The following KIRREL1 variants were observed in gnomAD, a reference collection of about 807,000 sequenced individuals.
KIRREL1 encodes kirre like nephrin family adhesion molecule 1.
Under a neutral mutation model 83.3 loss-of-function variants are expected in KIRREL1, and 25 were observed. The ratio of observed to expected loss-of-function variants is 0.30; its 90% confidence interval spans 0.22 to 0.42. The LOEUF (loss-of-function observed/expected upper bound fraction) is 0.42. Ranked by LOEUF, KIRREL1 falls within the 10% of genes least tolerant of loss-of-function variation. The probability of loss-of-function intolerance (pLI) is 1.00; values close to 1 mark genes in which losing one functional copy is unlikely to be tolerated. For missense variants in KIRREL1, 812 were observed against 1,032.3 expected (o/e 0.79, Z 2.92); for synonymous variants, 388 against 410.4 (o/e 0.95, Z 0.66).
chr1:158,022,180 C>T (rs1407204984), intron 1 of KIRREL1, among the ~76,000 whole-genome samples: 2 of 151,952 alleles, frequency 1.3e-5, no homozygotes, highest in South Asian at 2.1e-4. Context: ...GGCACATAAA[C>T]CTGGGGAAGG....
intron 1 of KIRREL1, among the ~76,000 whole-genome samples, chr1:158,001,205 TC>T (rs1389168146): frequency 1.3e-5 from 2 of 152,188 alleles, no homozygotes. Context: ...GGACTTTTGT[TC>T]CTTCATTCAG....
intron 1 of KIRREL1, among the ~76,000 whole-genome samples, chr1:158,037,450 G>C (rs1002170064): frequency 7.3e-6 from 1 of 136,784 alleles, no homozygotes; most frequent in African/African-American, 2.8e-5. Flanking sequence ...CTGAGATTGC[G>C]CCACTGCACT....
chr1:158,027,867 T>C (rs1372552123), intron 1 of KIRREL1, among the ~76,000 whole-genome samples: 1 of 152,140 alleles, frequency 6.6e-6, no homozygotes, highest in Non-Finnish European at 1.5e-5. Flanking sequence ...TACTTCTTAT[T>C]AGGGTGCTTG....
intron 1 of KIRREL1, among the ~76,000 whole-genome samples, chr1:158,022,273 C>T (rs1660021290): frequency 6.6e-6 from 1 of 151,926 alleles, no homozygotes; most frequent in Non-Finnish European, 1.5e-5. Context: ...TTATAAGTAT[C>T]CCAAAAAAGA....
intron 1 of KIRREL1, among the ~76,000 whole-genome samples, chr1:158,022,828 A>G (rs1019552230): frequency 6.6e-6 from 1 of 152,202 alleles, no homozygotes; most frequent in Non-Finnish European, 1.5e-5. Context: ...CTAAAGTGCC[A>G]GCGCCCTAGC....
At chr1:158,019,678 G>T (rs370874368) in intron 1 of KIRREL1, among the ~76,000 whole-genome samples, 3 of 152,094 alleles carry the variant, frequency 2.0e-5, no homozygotes, top group Non-Finnish European at 4.4e-5. Flanking sequence ...AGGGAGCACG[G>T]GGCAGGAAAT....
At chr1:158,036,301 A>G (rs1226528729) in intron 1 of KIRREL1, among the ~76,000 whole-genome samples, 1 of 152,172 alleles carries the variant, frequency 6.6e-6, no homozygotes, top group African/African-American at 2.4e-5. Context: ...AAATACTGCA[A>G]CGAACTTGTA....
intron 1 of KIRREL1, among the ~76,000 whole-genome samples, chr1:158,018,277 G>C (rs567673994): frequency 6.6e-6 from 1 of 152,128 alleles, no homozygotes; most frequent in Admixed American, 6.5e-5. Flanking sequence ...CTGGTGTGCC[G>C]CACCACACCA....
chr1:158,089,021 GGC>G (rs1662110198), intron 8 of KIRREL1, among the ~76,000 whole-genome samples: 1 of 152,082 alleles, frequency 6.6e-6, no homozygotes, highest in African/African-American at 2.4e-5. Context: ...GAGGGCCTGG[GGC>G]GGGCCTACTG....
rs769807385 is a variant in KIRREL1 at position 158,096,957 on chromosome 1, T to G, written c.*1837T>G. On this transcript the variant is annotated 3_prime_UTR_variant, in exon 15 of 15. Transcript: ENST00000359209. ...CACAGGCCATTACCACCCTTATGGA[T>G]GGGTCTGGGGGGCGACATTCCTGGC... 2.0e-5 allele frequency: 9 copies of G among 456,674 alleles called. No individual in the cohort carries two copies. The highest frequency in any genetic ancestry group is 1.4e-4 in the South Asian group (9 of 64,564). 28.3% of individuals were successfully genotyped at this position (456,674 alleles called of 1,614,324 possible).
chr1:158,094,924 A>G lies in KIRREL1; in HGVS notation c.2078A>G (p.His693Arg). Residue 693 changes from histidine to arginine, a missense_variant, in exon 15 of 15, where the codon CAT (histidine) becomes CGT (arginine). Around this residue, in one of 3 missense-constraint regions of KIRREL1, gnomAD observed 334 missense variants for 383.7 expected, o/e 0.87. Coordinates refer to ENST00000359209, the MANE Select transcript of KIRREL1 (RefSeq NM_018240.7). The surrounding 1 kb of genome is among the most constrained non-coding windows in gnomAD (Gnocchi z 4.6). ...GAGAACTATGAGAAGTTCAACTCCC[A>G]TCCCTTCCCTGGGGCAGCTGGGTAC... ...SYENYEKFNS[H>R]PFPGAAGYPT... is the part of the protein sequence containing the mutation. 6.2e-7 allele frequency: 1 copy of G among 1,613,836 alleles called. No homozygotes were observed. Among genetic ancestry groups the G allele is most frequent in the Non-Finnish European group, 8.5e-7 (1 of 1,179,932 alleles).
In KIRREL1 at chr1:158,096,729, C is replaced by G. The variant is rs942039483; in HGVS notation, c.*1609C>G. ...TTTCTGACCAAAGAGAACAGGCGCT[C>G]CAAGGAGAACCTGTACCCCTGCCCC... is the stretch of plus-strand genomic sequence containing the variant. On this transcript the variant is annotated 3_prime_UTR_variant, in exon 15 of 15. Coordinates refer to ENST00000359209, the MANE Select transcript of KIRREL1 (RefSeq NM_018240.7). 4.4e-6 allele frequency: 2 copies of G among 456,678 alleles called. No homozygotes were observed. The highest frequency in any genetic ancestry group is 6.5e-4 in the Middle Eastern group (2 of 3,076). 28.3% of individuals were successfully genotyped at this position (456,678 alleles called of 1,614,324 possible). A position where few individuals can be genotyped will look rare whatever the true frequency, so the allele number is the denominator to read the frequency against.
intron 1 of KIRREL1, among the ~76,000 whole-genome samples, chr1:158,048,135 G>C (rs1660822573): frequency 6.6e-6 from 1 of 152,190 alleles, no homozygotes; most frequent in Non-Finnish European, 1.5e-5. Context: ...CAGTCCCTGG[G>C]TTCCTCTGAT....
chr1:158,002,112 T>G (rs902555098), intron 1 of KIRREL1, among the ~76,000 whole-genome samples: 2 of 152,166 alleles, frequency 1.3e-5, no homozygotes, highest in Non-Finnish European at 2.9e-5. Flanking sequence ...TTGGGAAGTC[T>G]CAGATCTGTG....
intron 1 of KIRREL1, among the ~76,000 whole-genome samples, chr1:157,994,348 G>A (rs529328965): frequency 1.0e-3 from 158 of 151,132 alleles, no homozygotes; most frequent in South Asian, 5.9e-3. Flanking sequence ...TGGGTGGAGA[G>A]TGGAGTTCCA....
intron 1 of KIRREL1, among the ~76,000 whole-genome samples, chr1:158,060,323 A>C (rs980053036): frequency 6.6e-6 from 1 of 152,176 alleles, no homozygotes; most frequent in Non-Finnish European, 1.5e-5. Flanking sequence ...TGTAGCCACC[A>C]GGATGAGCCA....
chr1:158,039,479 C>T (rs1165892904), intron 1 of KIRREL1, among the ~76,000 whole-genome samples: 1 of 152,118 alleles, frequency 6.6e-6, no homozygotes, highest in Non-Finnish European at 1.5e-5. Flanking sequence ...CTGGAGGACA[C>T]AAAAGCAGCA....
intron 1 of KIRREL1, among the ~76,000 whole-genome samples, chr1:158,031,335 A>ACG (rs1557995945): frequency 6.7e-6 from 1 of 150,218 alleles, no homozygotes; most frequent in African/African-American, 2.5e-5. Context: ...AAACACACAC[A>ACG]CGCGCGTGCA....
chr1:158,087,776 C>A lies in KIRREL1; in HGVS notation c.683C>A (p.Ser228Tyr), dbSNP rs1421706495. 9.9e-6 allele frequency: 16 copies of A among 1,613,950 alleles called. No homozygotes were observed. The highest frequency in any genetic ancestry group is 1.4e-5 in the Non-Finnish European group (16 of 1,179,874). The part of the protein sequence containing the change: ...DVHHPPTVTL[S>Y]IEPQTVQEGE... ...GCAGACCCTCCTACAGTGACCCTGT[C>A]CATTGAGCCACAGACGGTGCAGGAG... The change falls in exon 6 of 15, where the codon TCC (serine) becomes TAC (tyrosine). Residue 228 changes from serine (S) to tyrosine (Y), a missense_variant. Ser to Tyr is a moderately radical substitution (Grantham distance 144, BLOSUM62 -2). Coordinates refer to ENST00000359209, the MANE Select transcript of KIRREL1 (RefSeq NM_018240.7).
Sources: allele counts gnomAD v4.1 joint callset (sites outside exome capture counted in the v4.1 genomes callset), GRCh38; gene constraint gnomAD v4.1.1; regional missense constraint gnomAD v4.1.1; non-coding constraint Gnocchi (gnomAD v3.1); transcripts MANE v1.5; gene names NCBI Gene and HGNC (gene_info 2026-07-23, HGNC 2026-07-21).